SEZ6: variants seen among roughly 807,000 people sequenced by gnomAD.
SEZ6 encodes seizure related 6 homolog.
Under a neutral mutation model 101.0 loss-of-function variants are expected in SEZ6, and 53 were observed. That is an observed-to-expected ratio of 0.52 (90% CI 0.42 to 0.66). SEZ6 has a LOEUF of 0.66. SEZ6 is among the 30% of genes least tolerant of loss of function. SEZ6 has a pLI of 0.00. For synonymous variants in SEZ6, 488 were observed against 512.2 expected (o/e 0.95, Z 0.64); for missense variants, 1,102 against 1,289.4 (o/e 0.85, Z 2.23).
rs1706515327 is a variant in SEZ6 at position 28,959,255 on chromosome 17, TG to T, written c.1911-35del. On this transcript the variant is annotated intron_variant, in intron 9 of 16. Coordinates refer to ENST00000317338, the MANE Select transcript of SEZ6 (RefSeq NM_178860.5). This position sits in a 1 kb window ranked among gnomAD's most constrained non-coding sequence, Gnocchi z 4.4. ...GAGGAGCGTCAGGGCAGAGCCGGCC[TG>T]GGGGCCCGAGGATGGGCTGGACAAG... 1 of 1,612,382 alleles carries T rather than the reference TG, an allele frequency of 6.2e-7. No homozygotes were observed. The highest frequency in any genetic ancestry group is 1.7e-5 in the Admixed American group (1 of 59,856).
At chr17:29,006,316 A>C (rs892235754), upstream of SEZ6, 1 of 152,974 alleles carries the variant, frequency 6.5e-6, no homozygotes, top group Non-Finnish European at 1.5e-5. Context: ...CATGAGAAAG[A>C]GCAACACTTT....
chr17:28,969,869 C>A lies in SEZ6; in HGVS notation c.942G>T (p.Gln314His). 2 of 1,537,602 alleles carry A rather than the reference C, an allele frequency of 1.3e-6. No individual in the cohort carries two copies. Among genetic ancestry groups the A allele is most frequent in the Non-Finnish European group, 1.7e-6 (2 of 1,151,902 alleles). Residue 314 changes from glutamine (Q) to histidine (H), a missense_variant, in exon 4 of 17, where the codon CAG becomes CAT. Gln to His is a conservative substitution (Grantham distance 24, BLOSUM62 0). Coordinates refer to ENST00000317338, the MANE Select transcript of SEZ6 (RefSeq NM_178860.5). ...GGPDPLPLAN[Q>H]SFLLRGQVIR... ...TGACTTGGCCCCGCAGCAGGAAAGA[C>A]TGGTTGGCCAGGGGCAGTGGGTCAG...
At chr17:28,985,313 G>A (rs1359396130) in intron 1 of SEZ6, among the ~76,000 whole-genome samples, 2 of 152,204 alleles carry the variant, frequency 1.3e-5, no homozygotes, top group Admixed American at 6.5e-5. Context: ...GGCCCTGGTC[G>A]AGCAGGCCCT....
At position 29,003,546 on chromosome 17, in the gene SEZ6, G is replaced by A. The variant is rs534270178; in HGVS notation, c.55+2269C>T. ...TGAAAGGCTGAGGGATGCACCCCTC[G>A]GGCCGAAAAGGCTCATAGCCTGAGG... is the stretch of plus-strand genomic sequence containing the variant. On this transcript the variant is annotated intron_variant, in intron 1 of 16. Transcript: ENST00000317338. Among the ~76,000 whole-genome samples, 3 of 152,322 alleles carry A rather than the reference G, an allele frequency of 2.0e-5. No individual in the cohort carries two copies. The East Asian group carries it at 5.8e-4, about 29-fold the overall frequency.
chr17:28,983,808 C>T (rs1054512471), intron 1 of SEZ6, among the ~76,000 whole-genome samples: 5 of 152,140 alleles, frequency 3.3e-5, no homozygotes, highest in Non-Finnish European at 2.9e-5. Flanking sequence ...AGGAGAAGGT[C>T]GCTTCCTCCG....
rs777951826 is a variant in SEZ6, at chr17:28,981,409, G to C, written c.686C>G (p.Thr229Ser). The C allele has an allele frequency of 3.3e-5, 52 of 1,554,018 alleles. 1 individual carries two copies. In the East Asian group the frequency reaches 1.1e-3, roughly 33 times the overall value. ...TGTGGTGATGGTGGTGGTGATGATG[G>C]TGGTGGTAGTGGTGGTCTCCTCATC... ...GDDEETTTTT[T>S]IITTTITTVQ... Residue 229 changes from threonine to serine, a missense_variant, in exon 2 of 17, where the codon ACC becomes AGC. By Grantham distance (58) the Thr-to-Ser change is moderately conservative (BLOSUM62 1). Transcript: ENST00000317338.
At chr17:28,963,792 C>T (rs2041021751) in intron 5 of SEZ6, among the ~76,000 whole-genome samples, 170 bp downstream of exon 5, 1 of 152,200 alleles carries the variant, frequency 6.6e-6, no homozygotes, top group Non-Finnish European at 1.5e-5. Flanking sequence ...GTGCCTTCAT[C>T]TGGTAGATGC....
In SEZ6 at chr17:28,956,862, A is replaced by G. The variant is rs920158816; in HGVS notation, c.2693-105T>C. ...GATGATCATGGGAAGGATTTGTCCAAGGAGAGGCCACTCCAGCATTTGTCT... is the reference window on the plus strand; with the variant it reads ...GATGATCATGGGAAGGATTTGTCCAGGGAGAGGCCACTCCAGCATTTGTCT... On this transcript the variant is annotated intron_variant, in intron 13 of 16. Transcript: ENST00000317338. 4 of 1,434,194 alleles carry G rather than the reference A, an allele frequency of 2.8e-6. No individual in the cohort carries two copies. In the Admixed American group the frequency reaches 8.0e-5, roughly 29 times the overall value. The allele number at this position is 1,434,194 out of a possible 1,614,324, so 88.8% of individuals were successfully genotyped here.
At chr17:28,957,634 T>G in intron 11 of SEZ6, 95 bp from the exon 12 acceptor site, 2 of 1,352,602 alleles carry the variant, frequency 1.5e-6, no homozygotes, top group Non-Finnish European at 2.0e-6. Flanking sequence ...AACTTCTTCA[T>G]GTCGTATGGG....
intron 1 of SEZ6, among the ~76,000 whole-genome samples, chr17:28,985,667 G>A (rs1021917030): frequency 2.0e-5 from 3 of 152,236 alleles, no homozygotes; most frequent in Non-Finnish European, 4.4e-5. Flanking sequence ...GGCTTCTAGG[G>A]TAGGAAGGGG....
At chr17:28,956,313 T>C in intron 15 of SEZ6, 37 bp downstream of exon 15, 1 of 1,578,932 alleles carries the variant, frequency 6.3e-7, no homozygotes, top group Non-Finnish European at 8.6e-7. Context: ...GAGTGAGGTA[T>C]GCAGGTATGC....
In SEZ6 at chr17:28,957,533, G is replaced by A. The variant is rs755375978; in HGVS notation, c.2309C>T (p.Ser770Phe). 8 of 1,611,154 alleles carry A rather than the reference G, an allele frequency of 5.0e-6. No individual in the cohort carries two copies. Among genetic ancestry groups the A allele is most frequent in the Non-Finnish European group, 6.8e-6 (8 of 1,178,970 alleles). The part of the protein sequence containing the change: ...EDLPSCQRVT[S>F]CHDPGDVEHS... ...CTCCACATCTCCAGGATCGTGGCAGGAAGTCACTATGGGTAGGGGGTGATG... is the reference window on the plus strand; with the variant it reads ...CTCCACATCTCCAGGATCGTGGCAGAAAGTCACTATGGGTAGGGGGTGATG... The change falls in exon 12 of 17, where the codon TCC becomes TTC. Residue 770 changes from serine (S) to phenylalanine (F), a missense_variant. Physicochemically the swap from Ser to Phe is radical, Grantham distance 155 (BLOSUM62 -2). This residue lies in a region of SEZ6 where 556 missense variants were observed against 735.1 expected (regional missense o/e 0.76). Transcript: ENST00000317338.
intron 1 of SEZ6, among the ~76,000 whole-genome samples, chr17:28,992,780 G>A (rs991054712): frequency 1.3e-5 from 2 of 152,222 alleles, no homozygotes; most frequent in South Asian, 2.1e-4. Context: ...AGGGTAGAGA[G>A]CTCCCAGCTA....
chr17:28,986,655 C>T (rs1474729391), intron 1 of SEZ6, among the ~76,000 whole-genome samples: 1 of 152,234 alleles, frequency 6.6e-6, no homozygotes, highest in Non-Finnish European at 1.5e-5. Context: ...ACCTCAGGGC[C>T]AGCTGGCTTG....
At chr17:28,996,662 A>G (rs889198137) in intron 1 of SEZ6, among the ~76,000 whole-genome samples, 1 of 152,086 alleles carries the variant, frequency 6.6e-6, no homozygotes, top group African/African-American at 2.4e-5. Context: ...GGGCACAGAC[A>G]TGCAGGGACA....
intron 1 of SEZ6, among the ~76,000 whole-genome samples, chr17:28,996,012 T>C (rs1324006959): frequency 6.7e-6 from 1 of 148,484 alleles, no homozygotes; most frequent in Non-Finnish European, 1.5e-5. Flanking sequence ...CTTATTTCCT[T>C]TTTTTTTTTG....
chr17:28,958,869 G>T (rs2040926610), intron 10 of SEZ6, among the ~76,000 whole-genome samples, 156 bp downstream of exon 10: 1 of 152,130 alleles, frequency 6.6e-6, no homozygotes, highest in Admixed American at 6.5e-5. Context: ...CTCCCTCAGG[G>T]CAGATGGAGA....
chr17:28,999,556 C>T (rs575094999), intron 1 of SEZ6, among the ~76,000 whole-genome samples: 54 of 152,270 alleles, frequency 3.5e-4, no homozygotes, highest in Non-Finnish European at 6.2e-4. Flanking sequence ...TTGTTTGCTC[C>T]GGAGCCCGCA....
intron 1 of SEZ6, among the ~76,000 whole-genome samples, chr17:28,985,658 G>A (rs1487359307): frequency 4.6e-5 from 7 of 152,218 alleles, no homozygotes; most frequent in Non-Finnish European, 8.8e-5. Context: ...ACTGAGGCAG[G>A]CTTCTAGGGT....
Sources: gnomAD v4.1 joint callset for allele counts (sites outside exome capture counted in the v4.1 genomes callset) on GRCh38, gnomAD v4.1.1 for gene constraint, gnomAD v4.1.1 regional missense constraint, Gnocchi (gnomAD v3.1) non-coding constraint, MANE v1.5 for transcripts, NCBI Gene and HGNC (gene_info 2026-07-23, HGNC 2026-07-21) for gene names.